The following GPM6A variants were observed in gnomAD, a reference collection of about 807,000 sequenced individuals.
The protein encoded by GPM6A is glycoprotein M6A.
A neutral mutation model predicts 32.1 loss-of-function variants in GPM6A; 7 were observed. The ratio of observed to expected loss-of-function variants is 0.22; its 90% CI spans 0.12 to 0.41. The LOEUF (loss-of-function observed/expected upper bound fraction) is 0.41. GPM6A is among the 10% of genes least tolerant of loss of function. The pLI, the probability that GPM6A is intolerant of heterozygous loss-of-function variation, is 1.00. For missense variants in GPM6A, 235 were observed against 347.2 expected (o/e 0.68, Z 2.57); for synonymous variants, 130 against 123.4 (o/e 1.05, Z -0.35).
chr4:175,650,984 G>A (rs1193775024), intron 4 of GPM6A, among the ~76,000 whole-genome samples: 1 of 152,062 alleles, frequency 6.6e-6, no homozygotes, highest in Admixed American at 6.6e-5. Flanking sequence ...TCTCAAATAG[G>A]CTGAGATTAT....
At chr4:175,875,616 A>C (rs532192900) in intron 1 of GPM6A, among the ~76,000 whole-genome samples, 2 of 152,300 alleles carry the variant, frequency 1.3e-5, no homozygotes, top group South Asian at 2.1e-4. Flanking sequence ...AAAGTTGGAC[A>C]GTCGAGATGC....
rs545004795 is a variant in GPM6A at position 175,932,098 on chromosome 4, GAAAAAAAAAA to G, written c.-23+70201_-23+70210del. Among the ~76,000 whole-genome samples, 3 of 108,400 alleles carry G rather than the reference GAAAAAAAAAA, an allele frequency of 2.8e-5. No homozygotes were observed. The East Asian group carries it at 7.6e-4, about 28-fold the overall frequency. 71.1% of individuals were successfully genotyped at this position (108,400 alleles called of 152,430 possible). A position where few individuals can be genotyped will look rare whatever the true frequency, so the allele number is the denominator to read the frequency against. On this transcript the variant is annotated intron_variant, in intron 1 of 7. Transcript: ENST00000280187. The stretch of plus-strand genomic sequence containing the variant: ...AGCCAGAGTGAGATCTTGCCTCTAG[GAAAAAAAAAA>G]AAAAAGAAAAAAAAAGGAAAGAAAA...
intron 1 of GPM6A, among the ~76,000 whole-genome samples, chr4:175,973,915 T>C (rs1471758201): frequency 6.6e-6 from 1 of 152,176 alleles, no homozygotes; most frequent in Non-Finnish European, 1.5e-5. Context: ...CTCATCATTT[T>C]TGGTTTAATA....
chr4:175,813,192 T>C, upstream of GPM6A: 1 of 506,058 alleles, frequency 2.0e-6, no homozygotes, highest in Non-Finnish European at 2.6e-6. Context: ...TGAAAGGGAA[T>C]TTCTTTAAAG....
chr4:175,965,343 T>C (rs988411926), intron 1 of GPM6A, among the ~76,000 whole-genome samples: 12 of 150,942 alleles, frequency 8.0e-5, no homozygotes, highest in African/African-American at 2.9e-4. Context: ...AAAAGAAAGA[T>C]AGAAAATTCA....
At chr4:175,776,562 G>A (rs530116508) in intron 1 of GPM6A, among the ~76,000 whole-genome samples, 1 of 152,162 alleles carries the variant, frequency 6.6e-6, no homozygotes, top group African/African-American at 2.4e-5. Flanking sequence ...ATTGATCTTG[G>A]AAGCATGACA....
chr4:175,884,761 T>C (rs1215320509), intron 1 of GPM6A, among the ~76,000 whole-genome samples: 2 of 152,134 alleles, frequency 1.3e-5, no homozygotes, highest in Non-Finnish European at 2.9e-5. Context: ...CTCGAACTCC[T>C]GACCTCAGGT....
At position 175,926,763 on chromosome 4, in the gene GPM6A, G is replaced by C. The variant is rs192446641; in HGVS notation, c.-23+75546C>G. Among the ~76,000 whole-genome samples the C allele has an allele frequency of 3.2e-4, 49 of 152,118 alleles. 1 individual carries two copies. The East Asian group carries it at 6.2e-3, about 19-fold the overall frequency. On this transcript the variant is annotated intron_variant, in intron 1 of 7. Coordinates refer to the GPM6A transcript ENST00000280187. ...CCTCAACATGTAGAAAGTGATTATT[G>C]ACAATTCAAAAACATTATTTTTCAT... is the stretch of plus-strand genomic sequence containing the variant.
chr4:175,724,491 G>A (rs1466097248), intron 1 of GPM6A, among the ~76,000 whole-genome samples: 2 of 152,182 alleles, frequency 1.3e-5, no homozygotes, highest in Non-Finnish European at 2.9e-5. Flanking sequence ...GTTGCAGTAA[G>A]CCGAGACTGT....
intron 1 of GPM6A, among the ~76,000 whole-genome samples, chr4:175,776,819 C>T (rs1733415462): frequency 6.6e-6 from 1 of 151,978 alleles, no homozygotes. Flanking sequence ...AGTGGAGTTC[C>T]TGGGAACAAA....
chr4:175,644,454 A>G (rs1741338642), intron 4 of GPM6A, among the ~76,000 whole-genome samples: 2 of 151,568 alleles, frequency 1.3e-5, no homozygotes, highest in Admixed American at 6.6e-5. Flanking sequence ...ATACACACAC[A>G]CGCACACATA....
chr4:175,737,478 G>A (rs1311415687), intron 1 of GPM6A, among the ~76,000 whole-genome samples: 4 of 142,658 alleles, frequency 2.8e-5, no homozygotes, highest in African/African-American at 1.0e-4. Flanking sequence ...TTGCACTCCA[G>A]TCTGGGTGAC....
At chr4:175,922,935 T>C (rs1015003984) in intron 1 of GPM6A, among the ~76,000 whole-genome samples, 1 of 152,096 alleles carries the variant, frequency 6.6e-6, no homozygotes, top group Non-Finnish European at 1.5e-5. Context: ...CAGAAACACA[T>C]CATTGCCCAC....
chr4:175,663,262 G>C (rs1251991985), intron 3 of GPM6A, among the ~76,000 whole-genome samples: 1 of 152,164 alleles, frequency 6.6e-6, no homozygotes, highest in Non-Finnish European at 1.5e-5. Flanking sequence ...AAAGCATTTT[G>C]CTAACTGCCG....
At chr4:175,760,874 CA>C (rs1732711193) in intron 1 of GPM6A, among the ~76,000 whole-genome samples, 1 of 151,990 alleles carries the variant, frequency 6.6e-6, no homozygotes, top group African/African-American at 2.4e-5. Flanking sequence ...TAATAATAGA[CA>C]ATCAAAAAAC....
At chr4:175,895,168 A>C (rs1194861826) in intron 1 of GPM6A, among the ~76,000 whole-genome samples, 1 of 152,198 alleles carries the variant, frequency 6.6e-6, no homozygotes, top group African/African-American at 2.4e-5. Context: ...GTGATTCAGT[A>C]TGCCAGTGAA....
intron 1 of GPM6A, among the ~76,000 whole-genome samples, chr4:175,721,133 A>G (rs1746105743): frequency 7.7e-6 from 1 of 130,020 alleles, no homozygotes; most frequent in Non-Finnish European, 1.7e-5. Flanking sequence ...TTTAAAAAGA[A>G]TATATATATA....
chr4:175,919,872 C>T (rs1738610206), intron 1 of GPM6A, among the ~76,000 whole-genome samples: 1 of 152,156 alleles, frequency 6.6e-6, no homozygotes, highest in Admixed American at 6.5e-5. Context: ...TATGTAGCCC[C>T]CCAAATTTCC....
At chr4:175,968,467 G>T (rs1579673176) in intron 1 of GPM6A, among the ~76,000 whole-genome samples, 1 of 152,246 alleles carries the variant, frequency 6.6e-6, no homozygotes, top group East Asian at 1.9e-4. Context: ...GGCAAAAGAT[G>T]CTGTAAAGAG....
Sources: gnomAD v4.1 joint callset for allele counts (sites outside exome capture counted in the v4.1 genomes callset) on GRCh38, gnomAD v4.1.1 for gene constraint, MANE v1.5 for transcripts, NCBI Gene and HGNC (gene_info 2026-07-23, HGNC 2026-07-21) for gene names.